SH3YL1: variants seen among roughly 807,000 people sequenced by gnomAD.
SH3YL1 encodes SH3 and SYLF domain containing 1.
A neutral mutation model predicts 45.8 loss-of-function variants in SH3YL1; 41 were observed. The ratio of observed to expected loss-of-function variants is 0.89; its 90% CI spans 0.70 to 1.16. The LOEUF is 1.16. Among genes scored for constraint, SH3YL1 ranks in the 50% most tolerant of loss-of-function variants. The pLI is 0.00. For missense variants in SH3YL1, 389 were observed against 409.6 expected (o/e 0.95, Z 0.43); for synonymous variants, 152 against 151.4 (o/e 1.00, Z -0.03).
chr2:242,716 A>G, intron 4 of SH3YL1: 3 of 1,419,938 alleles, frequency 2.1e-6, no homozygotes, highest in Middle Eastern at 3.7e-4. Flanking sequence ...GATTATTAGC[A>G]TGGATAAAAC....
At chr2:264,737 A>T, upstream of SH3YL1, 1 of 488,662 alleles carries the variant, frequency 2.0e-6, no homozygotes, top group Non-Finnish European at 3.6e-6. Context: ...ACGGCGGCCC[A>T]GTCCCTGCAG....
At chr2:236,451 C>T (rs1337126157) in intron 4 of SH3YL1, among the ~76,000 whole-genome samples, 1 of 152,076 alleles carries the variant, frequency 6.6e-6, no homozygotes, top group African/African-American at 2.4e-5. Flanking sequence ...TCAAGTGTAC[C>T]TGGGAAGTTG....
chr2:225,951 A>G (rs6548220), intron 8 of SH3YL1, among the ~76,000 whole-genome samples: 94,468 of 152,088 alleles, frequency 0.62, 30,307 homozygotes, highest in East Asian at 0.83. Flanking sequence ...TAATGTTACC[A>G]TAATTAGCAT....
intron 4 of SH3YL1, chr2:239,688 G>C (rs962488683): frequency 3.3e-5 from 5 of 152,162 alleles, no homozygotes; most frequent in African/African-American, 1.2e-4. Flanking sequence ...TCCCACTGTA[G>C]AATGTATCTA....
chr2:232,929 C>CTT, intron 6 of SH3YL1, 172 bp downstream of exon 6: 1 of 445,118 alleles, frequency 2.2e-6, no homozygotes, highest in Non-Finnish European at 3.6e-6. Context: ...GTGTCTTCTG[C>CTT]ATTTTCTACG....
intron 1 of SH3YL1, among the ~76,000 whole-genome samples, chr2:254,979 C>T (rs1669252434): frequency 6.6e-6 from 1 of 152,194 alleles, no homozygotes; most frequent in African/African-American, 2.4e-5. Flanking sequence ...GTTGTCCCGC[C>T]TTTCTGGATC....
chr2:240,171 G>T (rs561521317), intron 4 of SH3YL1: 1 of 152,474 alleles, frequency 6.6e-6, no homozygotes, highest in East Asian at 1.9e-4. Context: ...AACAGTCCAG[G>T]AGCACCAGGA....
intron 4 of SH3YL1, among the ~76,000 whole-genome samples, chr2:234,982 A>T (rs1467845042): frequency 6.6e-6 from 1 of 152,070 alleles, no homozygotes; most frequent in African/African-American, 2.4e-5. Context: ...GGTTCAAGTG[A>T]TTCTCCTGTC....
rs539186159 is a variant in SH3YL1, at chr2:225,877, C to T, written c.782-957G>A. Among the ~76,000 whole-genome samples the T allele has an allele frequency of 1.4e-3, 214 of 152,208 alleles. 1 individual carries two copies. The highest frequency in any genetic ancestry group is 4.6e-3 in the African/African-American group (190 of 41,520). ...AAAGTCTTATTGAAAGACATAAAAT[C>T]TCAACAAATGGAAAGCATGAAATGG... On this transcript the variant is annotated intron_variant, in intron 8 of 9. Transcript: ENST00000356150.
At chr2:264,772 G>A (rs535478309), upstream of SH3YL1, 5 of 583,278 alleles carry the variant, frequency 8.6e-6, no homozygotes, top group Non-Finnish European at 1.4e-5. Context: ...CTCCCCGCCC[G>A]TCCTACTACC....
At chr2:250,052 G>T (rs1254562707) in intron 2 of SH3YL1, among the ~76,000 whole-genome samples, 1 of 152,224 alleles carries the variant, frequency 6.6e-6, no homozygotes, top group East Asian at 1.9e-4. Context: ...TATTTTTGCA[G>T]TGCTAAACAC....
At chr2:264,417 T>G, upstream of SH3YL1, 2 of 195,162 alleles carry the variant, frequency 1.0e-5, no homozygotes, top group Non-Finnish European at 1.0e-5. Context: ...ACTCGCGCTG[T>G]GCCCCAACCC....
At chr2:226,600 G>A (rs937836744) in intron 8 of SH3YL1, among the ~76,000 whole-genome samples, 14 of 152,156 alleles carry the variant, frequency 9.2e-5, no homozygotes, top group South Asian at 6.2e-4. Context: ...AATGCACTTG[G>A]TGGGGAATGT....
At chr2:261,756 G>A (rs1271747299) in intron 1 of SH3YL1, among the ~76,000 whole-genome samples, 1 of 152,166 alleles carries the variant, frequency 6.6e-6, no homozygotes, top group African/African-American at 2.4e-5. Flanking sequence ...CGGAGGGTCA[G>A]GAATGAAAGC....
Position 242,855 on chromosome 2 carries a change from A to G in SH3YL1, c.291+4683T>C, listed in dbSNP as rs905408184. ...TGTGTCATGCAGATGGCAACCTAAGAAAGCTGGAGTGGCACTCTTTATATC... is the reference window on the plus strand; with the variant it reads ...TGTGTCATGCAGATGGCAACCTAAGGAAGCTGGAGTGGCACTCTTTATATC... On this transcript the variant is annotated intron_variant, in intron 4 of 9. Coordinates refer to ENST00000356150, the MANE Select transcript of SH3YL1 (RefSeq NM_015677.4). 23 of 1,514,270 alleles carry G rather than the reference A, an allele frequency of 1.5e-5. No homozygotes were observed. The Admixed American group carries it at 3.5e-4, about 23-fold the overall frequency. The allele number at this position is 1,514,270 out of a possible 1,614,324, so 93.8% of individuals were successfully genotyped here. A position where few individuals can be genotyped will look rare whatever the true frequency, so the allele number is the denominator to read the frequency against.
At chr2:259,864 A>C (rs1009363406) in intron 1 of SH3YL1, 1 of 151,820 alleles carries the variant, frequency 6.6e-6, no homozygotes, top group Admixed American at 6.6e-5. Flanking sequence ...TTGAAGATTT[A>C]GAGTGTCAAA....
In SH3YL1 at chr2:253,127, C is replaced by A. The variant is rs187323603; in HGVS notation, c.2-12G>T. 2.2e-6 allele frequency: 3 copies of A among 1,374,844 alleles called. No homozygotes were observed. The South Asian group carries it at 4.0e-5, about 18-fold the overall frequency. 85.2% of individuals were successfully genotyped at this position (1,374,844 alleles called of 1,614,324 possible). On this transcript the variant is annotated splice_polypyrimidine_tract_variant and intron_variant, in intron 1 of 9. Coordinates refer to ENST00000356150, the MANE Select transcript of SH3YL1 (RefSeq NM_015677.4). ...TATAGGGTTATTCACTGAAACATAA[C>A]AAAAGATATTTTAATGAAAAATTCT...
intron 9 of SH3YL1, among the ~76,000 whole-genome samples, chr2:224,578 C>G (rs185204363): frequency 5.9e-5 from 9 of 152,078 alleles, no homozygotes; most frequent in African/African-American, 2.2e-4. Flanking sequence ...ATAACACTGA[C>G]GGTTAGCTCC....
chr2:256,109 C>G (rs1475474929), intron 1 of SH3YL1: 1 of 152,224 alleles, frequency 6.6e-6, no homozygotes, highest in Non-Finnish European at 1.5e-5. Flanking sequence ...CAGGTTAGTG[C>G]CAATCTGATT....
Sources: allele counts gnomAD v4.1 joint callset (sites outside exome capture counted in the v4.1 genomes callset), GRCh38; gene constraint gnomAD v4.1.1; transcripts MANE v1.5; gene names NCBI Gene and HGNC (gene_info 2026-07-23, HGNC 2026-07-21).